Variants in DGKB observed in about 807,000 individuals in gnomAD.
DGKB encodes the protein 90 kDa diacylglycerol kinase.
A neutral mutation model predicts 114.3 loss-of-function variants in DGKB; 67 were observed. The ratio of observed to expected loss-of-function variants is 0.59; its 90% CI spans 0.48 to 0.72. The LOEUF is 0.72. Among genes scored for constraint, DGKB ranks in the 30% least tolerant of loss-of-function variants. The pLI, the probability that DGKB is intolerant of heterozygous loss-of-function variation, is 0.00. For missense variants in DGKB, 907 were observed against 975.2 expected (o/e 0.93, Z 0.93); for synonymous variants, 398 against 323.1 (o/e 1.23, Z -2.49).
At chr7:14,892,384 G>A (rs1781386289) in intron 1 of DGKB, among the ~76,000 whole-genome samples, 1 of 151,088 alleles carries the variant, frequency 6.6e-6, no homozygotes, top group East Asian at 1.9e-4. Context: ...TATAAATAAA[G>A]GAAAATTGCC....
At chr7:14,415,861 G>T (rs1825649170) in intron 21 of DGKB, among the ~76,000 whole-genome samples, 1 of 152,130 alleles carries the variant, frequency 6.6e-6, no homozygotes, top group African/African-American at 2.4e-5. Context: ...CTTCCACAAT[G>T]GTTGAACTAG....
chr7:14,398,036 T>A (rs2128720885), intron 21 of DGKB, among the ~76,000 whole-genome samples: 1 of 152,206 alleles, frequency 6.6e-6, no homozygotes, highest in South Asian at 2.1e-4. Flanking sequence ...ACACTCAGCA[T>A]CAATATAAAC....
intron 23 of DGKB, among the ~76,000 whole-genome samples, chr7:14,271,721 C>T (rs1312749636): frequency 6.6e-6 from 1 of 152,146 alleles, no homozygotes; most frequent in Non-Finnish European, 1.5e-5. Flanking sequence ...TTAAATGCCC[C>T]AAACACAAAA....
chr7:14,650,771 G>A (rs866313279), intron 13 of DGKB, among the ~76,000 whole-genome samples: 18 of 143,664 alleles, frequency 1.3e-4, no homozygotes, highest in Middle Eastern at 3.2e-3. Flanking sequence ...AAGAAAAAAA[G>A]AGAGAAGGAT....
chr7:14,728,892 G>A (rs753830325), intron 5 of DGKB, among the ~76,000 whole-genome samples: 11 of 151,490 alleles, frequency 7.3e-5, no homozygotes, highest in African/African-American at 1.5e-4. Flanking sequence ...TAGTAAAGAC[G>A]GGTTTCACTA....
At chr7:14,707,338 C>G (rs1826470113) in intron 6 of DGKB, among the ~76,000 whole-genome samples, 3 of 150,028 alleles carry the variant, frequency 2.0e-5, no homozygotes, top group Admixed American at 6.7e-5. Context: ...GTTTACCAAC[C>G]AAAAAGAGTC....
At chr7:14,682,712 T>C (rs78858758) in intron 11 of DGKB, 41 bp downstream of exon 11, 39,334 of 1,605,964 alleles carry the variant, frequency 0.024, 544 homozygotes, top group South Asian at 0.029. Context: ...ACACACTACA[T>C]AATGGCCACC....
chr7:14,604,725 A>G (rs1804167445), intron 17 of DGKB, among the ~76,000 whole-genome samples: 1 of 152,152 alleles, frequency 6.6e-6, no homozygotes, highest in Non-Finnish European at 1.5e-5. Context: ...GGGGCAATAC[A>G]GCTAGAAAAC....
intron 20 of DGKB, among the ~76,000 whole-genome samples, chr7:14,505,325 C>T (rs774939018): frequency 1.3e-5 from 2 of 151,776 alleles, no homozygotes; most frequent in Non-Finnish European, 2.9e-5. Flanking sequence ...CGTGTTGGCA[C>T]ACATGCTAAT....
Position 14,678,759 on chromosome 7 carries a change from A to G in DGKB, c.1035+3794T>C, listed in dbSNP as rs547934779. On this transcript the variant is annotated intron_variant, in intron 12 of 25. Transcript: ENST00000402815. ...AAAAGTACCTTCTGTTAGGGAGATG[A>G]GCCAAGAGATTTTGACTCTAATCTA... Among the ~76,000 whole-genome samples, 11 of 152,072 alleles carry G rather than the reference A, an allele frequency of 7.2e-5. No individual in the cohort carries two copies. In the South Asian group the frequency reaches 2.3e-3, roughly 32 times the overall value.
chr7:14,904,895 C>A (rs1266690566), upstream of DGKB, among the ~76,000 whole-genome samples: 1 of 152,144 alleles, frequency 6.6e-6, no homozygotes, highest in Non-Finnish European at 1.5e-5. Context: ...CATAGAAATA[C>A]ATTTTGATAC....
chr7:14,607,573 C>G (rs1051493630), intron 16 of DGKB, 65 bp from the exon 17 acceptor site: 1 of 637,398 alleles, frequency 1.6e-6, no homozygotes, highest in Non-Finnish European at 2.8e-6. Context: ...TAAGTAATGT[C>G]TCTCAGTGTT....
At chr7:14,927,412 C>A (rs926621423) in intron 1 of DGKB, among the ~76,000 whole-genome samples, 5 of 151,892 alleles carry the variant, frequency 3.3e-5, no homozygotes, top group African/African-American at 1.2e-4. Context: ...ATCTGTTCTA[C>A]CACACATTAT....
intron 20 of DGKB, among the ~76,000 whole-genome samples, chr7:14,549,832 A>G (rs1318863071): frequency 6.6e-6 from 1 of 152,076 alleles, no homozygotes; most frequent in Non-Finnish European, 1.5e-5. Context: ...ACTAAAAAAT[A>G]TAAAAATTAG....
chr7:14,594,876 T>C (rs1036665036), intron 17 of DGKB, among the ~76,000 whole-genome samples: 2 of 152,152 alleles, frequency 1.3e-5, no homozygotes, highest in African/African-American at 4.8e-5. Flanking sequence ...AAATGGCACC[T>C]GTATCTATCC....
chr7:14,699,129 G>A (rs1205107088), intron 7 of DGKB, among the ~76,000 whole-genome samples: 8 of 149,310 alleles, frequency 5.4e-5, no homozygotes, highest in Non-Finnish European at 7.4e-5. Flanking sequence ...CCTCTCTCCA[G>A]AAAAAAAAAA....
intron 23 of DGKB, among the ~76,000 whole-genome samples, chr7:14,318,351 C>G (rs1309095066): frequency 1.3e-5 from 2 of 151,672 alleles, no homozygotes; most frequent in Non-Finnish European, 1.5e-5. Flanking sequence ...GAACAGGCAA[C>G]CTATAGAATG....
chr7:14,501,940 T>C (rs567407212), intron 20 of DGKB, among the ~76,000 whole-genome samples: 8 of 152,060 alleles, frequency 5.3e-5, no homozygotes, highest in African/African-American at 1.9e-4. Context: ...GATGAGGTTT[T>C]TGAGGGTCTT....
chr7:14,344,680 T>G (rs1812175608), intron 22 of DGKB, among the ~76,000 whole-genome samples: 1 of 150,776 alleles, frequency 6.6e-6, no homozygotes, highest in Admixed American at 6.7e-5. Flanking sequence ...TTTTATAATA[T>G]TTCTCCAAAA....
Sources: gnomAD v4.1 joint callset for allele counts (sites outside exome capture counted in the v4.1 genomes callset) on GRCh38, gnomAD v4.1.1 for gene constraint, MANE v1.5 for transcripts, NCBI Gene and HGNC (gene_info 2026-07-23, HGNC 2026-07-21) for gene names.